ZNF687: variants seen among roughly 807,000 people sequenced by gnomAD.
ZNF687 encodes the protein zinc finger protein 687.
ZNF687 carries 13 observed loss-of-function variants against 71.8 expected under a neutral mutation model. That is an observed-to-expected ratio of 0.18 (90% confidence interval 0.12 to 0.29). ZNF687 has a LOEUF of 0.29. Among genes scored for constraint, ZNF687 ranks in the 10% least tolerant of loss-of-function variants. ZNF687 has a pLI of 1.00. For missense variants in ZNF687, 1,412 were observed against 1,625.6 expected (o/e 0.87, Z 2.26); for synonymous variants, 673 against 641.6 (o/e 1.05, Z -0.74).
rs1693997454 is a variant in ZNF687 at position 151,287,364 on chromosome 1, CCTTGGCTGAGGGGGCCTT to C, written c.1085_1102del (p.Gly362_Glu367del). ...CCCTCAGATCCTGATCCACCTGCCC[CCTTGGCTGAGGGGGCCTT>C]CTTGGCTGAGGCTAGCCTCTTGAAG... On this transcript the variant is annotated inframe_deletion, in exon 2 of 9. Transcript: ENST00000336715. This position sits in a 1 kb window ranked among gnomAD's most constrained non-coding sequence, Gnocchi z 5.0. 1 of 1,614,216 alleles carries C rather than the reference CCTTGGCTGAGGGGGCCTT, an allele frequency of 6.2e-7. No homozygotes were observed. Among genetic ancestry groups the C allele is most frequent in the African/African-American group, 1.3e-5 (1 of 75,060 alleles).
At chr1:151,284,863 G>A (rs2101864153) in intron 1 of ZNF687, among the ~76,000 whole-genome samples, 1 of 127,096 alleles carries the variant, frequency 7.9e-6, no homozygotes, top group East Asian at 2.4e-4. Flanking sequence ...AGGCTGGAGT[G>A]CAGTGGCATG....
rs373597091 is a variant in ZNF687 at position 151,288,690 on chromosome 1, C to T, written c.2278C>T (p.Arg760Cys). The change falls in exon 3 of 9, where the codon CGC becomes TGC. Residue 760 changes from arginine (R) to cysteine (C), a missense_variant. By Grantham distance (180) the Arg-to-Cys change is radical (BLOSUM62 -3). Around this residue, in one of 8 missense-constraint regions of ZNF687, gnomAD observed 207 missense variants for 239.2 expected, o/e 0.87. Coordinates refer to ENST00000336715, the MANE Select transcript of ZNF687 (RefSeq NM_020832.3). Reference protein sequence around the residue: ...HLREACLHVSRRVGYRCPSCS... With the variant: ...HLREACLHVSCRVGYRCPSCS... ...CCGGGAGGCCTGTCTGCACGTCTCT[C>T]GCCGTGTAGGATACAGGTGCCTCGG... 2 of 1,613,084 alleles carry T rather than the reference C, an allele frequency of 1.2e-6. No homozygotes were observed. The highest frequency in any genetic ancestry group is 1.1e-5 in the South Asian group (1 of 90,930).
Position 151,290,827 on chromosome 1 carries a change from C to G in ZNF687, c.3332C>G (p.Pro1111Arg). The stretch of plus-strand genomic sequence containing the variant: ...GGACCTGGATCTGGAGGCCATGGCC[C>G]TCTGCGCTACCGGAGCAGCAGCTCC... ...RGGPGSGGHG[P>R]LRYRSSSSTE... The change falls in exon 9 of 9, where the codon CCT (proline) becomes CGT (arginine). Residue 1111 changes from proline (P) to arginine (R), a missense_variant. Physicochemically the swap from Pro to Arg is moderately radical, Grantham distance 103. Around this residue, in one of 8 missense-constraint regions of ZNF687, gnomAD observed 284 missense variants for 359.2 expected, o/e 0.79. Transcript: ENST00000336715. 8 of 1,613,966 alleles carry G rather than the reference C, an allele frequency of 5.0e-6. No homozygotes were observed. The highest frequency in any genetic ancestry group is 6.8e-6 in the Non-Finnish European group (8 of 1,180,024).
At position 151,287,920 on chromosome 1, in the gene ZNF687, A is replaced by G. The variant is rs1694023863; in HGVS notation, c.1629A>G (p.Ser543=). ...GCCTGGAGTGTGGGGATGCCTTCTC[A>G]TTGGAGAAGAGCCTGGCACGGCACT... ...YRCLECGDAF[S]LEKSLARHYD... The change falls in exon 2 of 9, where the codon TCA becomes TCG. Residue 543 remains serine, a synonymous_variant. Transcript: ENST00000336715. The surrounding 1 kb of genome is among the most constrained non-coding windows in gnomAD (Gnocchi z 5.0). 3 of 1,613,684 alleles carry G rather than the reference A, an allele frequency of 1.9e-6. No individual in the cohort carries two copies. Among genetic ancestry groups the G allele is most frequent in the Non-Finnish European group, 2.5e-6 (3 of 1,179,966 alleles).
intron 1 of ZNF687, 62 bp downstream of exon 1, chr1:151,282,457 T>C: frequency 1.0e-6 from 1 of 970,146 alleles, no homozygotes; most frequent in Non-Finnish European, 1.2e-6. Context: ...GGCGGGTAAA[T>C]ACCCCCGCCC....
At chr1:151,282,859 G>T (rs866802432) in intron 1 of ZNF687, among the ~76,000 whole-genome samples, 52 of 152,140 alleles carry the variant, frequency 3.4e-4, no homozygotes, top group African/African-American at 1.1e-3. Context: ...TCAGTCTCCA[G>T]TCTCTAGCGA....
chr1:151,283,424 C>T (rs1053047077), intron 1 of ZNF687: 1 of 573,532 alleles, frequency 1.7e-6, no homozygotes, highest in Non-Finnish European at 2.2e-6. Context: ...AGATAGGAGC[C>T]CTAGAGACAG....
upstream of ZNF687, chr1:151,281,970 G>A (rs1229849742): frequency 5.8e-6 from 7 of 1,198,340 alleles, no homozygotes; most frequent in Non-Finnish European, 7.6e-6. Flanking sequence ...CCTTCCAGTA[G>A]GCAAGCTGGG....
intron 4 of ZNF687, 31 bp downstream of exon 4, chr1:151,289,302 A>G: frequency 6.2e-7 from 1 of 1,612,762 alleles, no homozygotes; most frequent in Non-Finnish European, 8.5e-7. Context: ...GGGCTGGGCC[A>G]GGGAGGGCTG....
At position 151,289,291 on chromosome 1, in the gene ZNF687, CG is replaced by C. The variant is rs1557772810; in HGVS notation, c.2471+23del. 6.2e-7 allele frequency: 1 copy of C among 1,612,732 alleles called. No homozygotes were observed. Among genetic ancestry groups the C allele is most frequent in the African/African-American group, 1.3e-5 (1 of 74,918 alleles). Reference sequence around the variant, plus strand: ...GGCCAAGTGAGGCCCGGGGGAGGGCCGGGCTGGGCCAGGGAGGGCTGGTGGG... The same window carrying C: ...GGCCAAGTGAGGCCCGGGGGAGGGCCGGCTGGGCCAGGGAGGGCTGGTGGG... On this transcript the variant is annotated intron_variant, in intron 4 of 8. Coordinates refer to ENST00000336715, the MANE Select transcript of ZNF687 (RefSeq NM_020832.3).
intron 1 of ZNF687, among the ~76,000 whole-genome samples, chr1:151,284,802 C>CTTTTTTTTTT (rs869269504): frequency 5.3e-5 from 3 of 56,432 alleles, no homozygotes; most frequent in Admixed American, 2.3e-4. Flanking sequence ...CTTGTCTTGT[C>CTTTTTTTTTT]TTTTTTTTTT....
At chr1:151,283,564 G>A (rs1169585366) in intron 1 of ZNF687, among the ~76,000 whole-genome samples, 1 of 151,952 alleles carries the variant, frequency 6.6e-6, no homozygotes, top group Admixed American at 6.6e-5. Flanking sequence ...GAGGGAGGTG[G>A]CTGGCGGGGT....
rs1417779102 is a variant in ZNF687 at position 151,290,968 on chromosome 1, A to C, written c.3473A>C (p.His1158Pro). The C allele has an allele frequency of 2.0e-5, 33 of 1,613,910 alleles. No individual in the cohort carries two copies. Among genetic ancestry groups the C allele is most frequent in the Non-Finnish European group, 2.8e-5 (33 of 1,180,008 alleles). The change falls in exon 9 of 9, where the codon CAC becomes CCC. Residue 1158 changes from histidine to proline, a missense_variant. Physicochemically the swap from His to Pro is moderately conservative, Grantham distance 77. This residue lies in a region of ZNF687 where 284 missense variants were observed against 359.2 expected (regional missense o/e 0.79). Transcript: ENST00000336715. ...CTGAGCCGACACCGTTTCATCAGCC[A>C]CAAGAAGAGACGGGGTGTGGGTAAA... ...GSLSRHRFIS[H>P]KKRRGVGKAS...
At position 151,290,546 on chromosome 1, in the gene ZNF687, G is replaced by A. The variant is rs1337092216; in HGVS notation, c.3192G>A (p.Leu1064=). ...GAQSPGRGTT[L]ARGSSARAQG... ...AGTCCCCTGGCCGGGGGACCACCTT[G>A]GCTCGGGGTTCCAGTGCCAGAGCCC... The change falls in exon 8 of 9, where the codon TTG becomes TTA. Residue 1064 remains leucine (L), a synonymous_variant. Coordinates refer to ENST00000336715, the MANE Select transcript of ZNF687 (RefSeq NM_020832.3). 5 of 1,613,764 alleles carry A rather than the reference G, an allele frequency of 3.1e-6. No individual in the cohort carries two copies. The highest frequency in any genetic ancestry group is 1.7e-5 in the Admixed American group (1 of 60,022).
Position 151,289,231 on chromosome 1 carries a change from C to T in ZNF687, c.2431C>T (p.Leu811Phe). 1 of 1,614,142 alleles carries T rather than the reference C, an allele frequency of 6.2e-7. No homozygotes were observed. The highest frequency in any genetic ancestry group is 2.2e-5 in the East Asian group (1 of 44,890). ...GTCTGGGCCAAGTGCCCATGCCCAC[C>T]TCTACTCCCAGCATCCCAGCTTCCA... The part of the protein sequence containing the change: ...FKSGPSAHAH[L>F]YSQHPSFQTQ... The change falls in exon 4 of 9, where the codon CTC becomes TTC. Residue 811 changes from leucine to phenylalanine, a missense_variant. Coordinates refer to ENST00000336715, the MANE Select transcript of ZNF687 (RefSeq NM_020832.3).
In ZNF687 at chr1:151,288,212, ACCT is replaced by A. The variant is rs751912108; in HGVS notation, c.1926_1928del (p.Ser643del). 41 of 1,612,782 alleles carry A rather than the reference ACCT, an allele frequency of 2.5e-5. No homozygotes were observed. Among genetic ancestry groups the A allele is most frequent in the Admixed American group, 2.2e-4 (13 of 59,942 alleles). ...CTTGGGCAAGGGTGAGGGGGCCATC[ACCT>A]CCTCTGCCATTACTACAGTTGCTGC... On this transcript the variant is annotated inframe_deletion, in exon 2 of 9. Coordinates refer to ENST00000336715, the MANE Select transcript of ZNF687 (RefSeq NM_020832.3).
At chr1:151,282,225 G>A, upstream of ZNF687, 1 of 1,034,420 alleles carries the variant, frequency 9.7e-7, no homozygotes, top group South Asian at 3.1e-5. Context: ...CCAATGGCGA[G>A]TGCGAAAACG....
chr1:151,282,954 G>A lies in ZNF687; in HGVS notation c.-18+559G>A, dbSNP rs1276902669. On this transcript the variant is annotated intron_variant, in intron 1 of 8. Coordinates refer to ENST00000336715, the MANE Select transcript of ZNF687 (RefSeq NM_020832.3). ...TCCGAGTTGGGACGGACCCCAGCTA[G>A]AGAGCTGAGAGTCGCGCAGAGACCG... 4 of 247,980 alleles carry A rather than the reference G, an allele frequency of 1.6e-5. No homozygotes were observed. The East Asian group carries it at 5.4e-4, about 33-fold the overall frequency. 15.4% of individuals were successfully genotyped at this position (247,980 alleles called of 1,614,324 possible).
Position 151,291,338 on chromosome 1 carries a change from A to G in ZNF687, c.*129A>G. The G allele has an allele frequency of 8.0e-7, 1 of 1,242,902 alleles. No homozygotes were observed. The allele number at this position is 1,242,902 out of a possible 1,614,324, so 77.0% of individuals were successfully genotyped here. On this transcript the variant is annotated 3_prime_UTR_variant, in exon 9 of 9. Transcript: ENST00000336715. Reference sequence around the variant, plus strand: ...GTTAATTCCTGTCTCTCCAACCTGAAGAAGAAGAGCATTTGAGGATTATTC... The same window carrying G: ...GTTAATTCCTGTCTCTCCAACCTGAGGAAGAAGAGCATTTGAGGATTATTC...
Sources: allele counts gnomAD v4.1 joint callset (sites outside exome capture counted in the v4.1 genomes callset), GRCh38; gene constraint gnomAD v4.1.1; regional missense constraint gnomAD v4.1.1; non-coding constraint Gnocchi (gnomAD v3.1); transcripts MANE v1.5; gene names NCBI Gene and HGNC (gene_info 2026-07-23, HGNC 2026-07-21).